The following BCKDHA variants were observed in gnomAD, a reference collection of about 807,000 sequenced individuals.
BCKDHA encodes the protein branched chain keto acid dehydrogenase E1 subunit alpha, also known as 2-oxoisovalerate dehydrogenase subunit alpha, mitochondrial.
A neutral mutation model predicts 52.2 loss-of-function variants in BCKDHA; 43 were observed. The observed-to-expected ratio is 0.82, with a 90% CI of 0.64 to 1.06. BCKDHA has a LOEUF of 1.06. Ranked by LOEUF, BCKDHA falls within the 50% of genes least tolerant of loss-of-function variation. The pLI is 0.00. For missense variants in BCKDHA, 527 were observed against 621.3 expected (o/e 0.85, Z 1.61); for synonymous variants, 234 against 247.9 (o/e 0.94, Z 0.53).
intron 4 of BCKDHA, among the ~76,000 whole-genome samples, chr19:41,417,334 G>A (rs1043862582): frequency 6.6e-6 from 1 of 152,074 alleles, no homozygotes; most frequent in Non-Finnish European, 1.5e-5. Context: ...CTTTTAGCAC[G>A]TTCCCCTGCC....
At position 41,416,384 on chromosome 19, in the gene BCKDHA, G is replaced by A. The variant is rs190097179; in HGVS notation, c.484+2227G>A. ...TCATTGAGGCACCTCCCCCATCCAT[G>A]TGAGGCAGGAGAGGCAAGCATTACC... On this transcript the variant is annotated intron_variant, in intron 4 of 8. Transcript: ENST00000269980. 3.2e-4 allele frequency among the ~76,000 whole-genome samples: 48 copies of A among 152,346 alleles called. 1 individual carries two copies. Among genetic ancestry groups the A allele is most frequent in the Admixed American group, 3.1e-3 (47 of 15,306 alleles).
intron 1 of BCKDHA, among the ~76,000 whole-genome samples, chr19:41,406,383 TG>T (rs1260931617): frequency 5.3e-5 from 8 of 152,104 alleles, no homozygotes; most frequent in Non-Finnish European, 1.2e-4. Context: ...CTGGAGTATC[TG>T]CTGGGGCCAC....
chr19:41,401,637 T>C (rs1044682625), intron 1 of BCKDHA, among the ~76,000 whole-genome samples: 10 of 152,128 alleles, frequency 6.6e-5, no homozygotes, highest in African/African-American at 2.4e-4. Flanking sequence ...GTTTTAGTGC[T>C]CAGGGAAAGG....
At chr19:41,419,746 C>CTTTTTTTT (rs201343587) in intron 5 of BCKDHA, among the ~76,000 whole-genome samples, 2 of 127,842 alleles carry the variant, frequency 1.6e-5, no homozygotes, top group Non-Finnish European at 1.7e-5. Flanking sequence ...GCCCAGCCCA[C>CTTTTTTTT]TTTTTTTTTT....
intron 4 of BCKDHA, chr19:41,418,647 C>T: frequency 2.4e-6 from 1 of 413,754 alleles, no homozygotes; most frequent in South Asian, 1.8e-5. Flanking sequence ...TCCTCTGCCT[C>T]AGCCTCCCAA....
At position 41,410,905 on chromosome 19, in the gene BCKDHA, C is replaced by T. The variant is rs1380005940; in HGVS notation, c.289-18C>T. ...CTGGTCCCAACTGCCCCACGTCTAT[C>T]TGTGCCTCCACCCGCAGCTGCCGAA... is the stretch of plus-strand genomic sequence containing the variant. On this transcript the variant is annotated intron_variant, in intron 2 of 8. Transcript: ENST00000269980. 2 of 1,614,114 alleles carry T rather than the reference C, an allele frequency of 1.2e-6. No homozygotes were observed. Among genetic ancestry groups the T allele is most frequent in the East Asian group, 4.5e-5 (2 of 44,876 alleles).
intron 4 of BCKDHA, among the ~76,000 whole-genome samples, chr19:41,418,504 G>T (rs7258787): frequency 0.028 from 4,245 of 151,684 alleles, 186 homozygotes; most frequent in African/African-American, 0.097. Flanking sequence ...TAAATTAGTG[G>T]TCTATGCTGT....
intron 4 of BCKDHA, among the ~76,000 whole-genome samples, chr19:41,417,353 G>A (rs2039316997): frequency 6.6e-6 from 1 of 152,076 alleles, no homozygotes; most frequent in East Asian, 1.9e-4. Context: ...CCCCTGCCCA[G>A]TCCTTCTCAC....
intron 1 of BCKDHA, among the ~76,000 whole-genome samples, chr19:41,403,335 A>G (rs2039157516): frequency 6.6e-6 from 1 of 152,182 alleles, no homozygotes; most frequent in South Asian, 2.1e-4. Context: ...ACTGGACCTG[A>G]ACAAGTTGCT....
At position 41,424,617 on chromosome 19, in the gene BCKDHA, C is replaced by T; in HGVS notation, c.*9C>T. ...ATCACTTCGATAAGTGAGACCTGCT[C>T]AGCCCACCCCCACCCATCCTCAGCT... On this transcript the variant is annotated 3_prime_UTR_variant, in exon 9 of 9. Transcript: ENST00000269980. 2 of 1,576,022 alleles carry T rather than the reference C, an allele frequency of 1.3e-6. No homozygotes were observed. The highest frequency in any genetic ancestry group is 1.7e-6 in the Non-Finnish European group (2 of 1,156,418).
At chr19:41,410,610 G>T (rs1276638471) in intron 1 of BCKDHA, 27 bp from the exon 2 acceptor site, 2 of 1,613,914 alleles carry the variant, frequency 1.2e-6, no homozygotes, top group South Asian at 2.2e-5. Flanking sequence ...TTCTGATGCA[G>T]GTGGTCTCCT....
In BCKDHA at chr19:41,419,194, A is replaced by G; in HGVS notation, c.544A>G (p.Ile182Val). ...ATTCATGGCCCAGTGCTATGGCAAC[A>G]TCAGTGACTTGGGCAAGGGGCGCCA... ...ELFMAQCYGN[I>V]SDLGKGRQMP... Residue 182 changes from isoleucine (I) to valine (V), a missense_variant, in exon 5 of 9, where the codon ATC (isoleucine) becomes GTC (valine). Transcript: ENST00000269980. 2 of 1,614,192 alleles carry G rather than the reference A, an allele frequency of 1.2e-6. No homozygotes were observed. Among genetic ancestry groups the G allele is most frequent in the Non-Finnish European group, 1.7e-6 (2 of 1,180,028 alleles).
At chr19:41,409,798 ATTTTTTTTTT>A (rs10565264) in intron 1 of BCKDHA, among the ~76,000 whole-genome samples, 1 of 109,156 alleles carries the variant, frequency 9.2e-6, no homozygotes, top group African/African-American at 3.7e-5. Context: ...CCTCTAAGGG[ATTTTTTTTTT>A]TTTTTTTTTT....
intron 4 of BCKDHA, chr19:41,415,472 A>C (rs1272214184): frequency 1.3e-5 from 2 of 152,238 alleles, no homozygotes; most frequent in African/African-American, 2.4e-5. Context: ...AATGGGACTC[A>C]TGCAGAGGCA....
chr19:41,421,207 T>A (rs1599959788), intron 5 of BCKDHA, among the ~76,000 whole-genome samples: 1 of 152,160 alleles, frequency 6.6e-6, no homozygotes, highest in East Asian at 1.9e-4. Flanking sequence ...TCACTTCAAA[T>A]ACACGAAGTT....
chr19:41,417,393 A>C (rs1466289777), intron 4 of BCKDHA, among the ~76,000 whole-genome samples: 1 of 152,146 alleles, frequency 6.6e-6, no homozygotes, highest in South Asian at 2.1e-4. Context: ...CATTCTGAGA[A>C]AGCCTGATTC....
rs147914257 is a variant in BCKDHA at position 41,423,616 on chromosome 19, G to C, written c.1167+447G>C. ...GGAGGCCAAGGCGGACAGATCACCT[G>C]AGGTCGGGAGTTTGAGACCAGCCTG... On this transcript the variant is annotated intron_variant, in intron 8 of 8. Coordinates refer to ENST00000269980, the MANE Select transcript of BCKDHA (RefSeq NM_000709.4). 5.8e-3 allele frequency among the ~76,000 whole-genome samples: 878 copies of C among 152,340 alleles called. 6 individuals carry two copies. Among genetic ancestry groups the C allele is most frequent in the African/African-American group, 0.02 (830 of 41,574 alleles).
chr19:41,424,917 A>G lies in BCKDHA; in HGVS notation c.*309A>G, dbSNP rs10421626. On this transcript the variant is annotated 3_prime_UTR_variant, in exon 9 of 9. Transcript: ENST00000269980. ...AAGCCCCTCTGGGCATGGGGTGGAC[A>G]TGGCAGGTCAGCCTGTGGAACTTGC... 0.013 allele frequency: 4,247 copies of G among 317,246 alleles called. 158 individuals are homozygous for G. Among genetic ancestry groups the G allele is most frequent in the African/African-American group, 0.084 (3,954 of 47,152 alleles). 19.7% of individuals were successfully genotyped at this position (317,246 alleles called of 1,614,324 possible).
In BCKDHA at chr19:41,414,168, C is replaced by T. The variant is rs1399557432; in HGVS notation, c.484+11C>T. On this transcript the variant is annotated intron_variant, in intron 4 of 8. Transcript: ENST00000269980. ...AGTACCGGGAGGCAGGTACGTCTGT[C>T]CGTGGTTTGGCCCTGTGGTCCCCAT... 6.2e-7 allele frequency: 1 copy of T among 1,612,454 alleles called. No individual in the cohort carries two copies. Among genetic ancestry groups the T allele is most frequent in the Non-Finnish European group, 8.5e-7 (1 of 1,179,182 alleles).
Sources: gnomAD v4.1 joint callset for allele counts (sites outside exome capture counted in the v4.1 genomes callset) on GRCh38, gnomAD v4.1.1 for gene constraint, MANE v1.5 for transcripts, NCBI Gene and HGNC (gene_info 2026-07-23, HGNC 2026-07-21) for gene names.